Variants in NRG3 observed in about 807,000 individuals in gnomAD.
NRG3 encodes the protein pro-neuregulin-3, membrane-bound isoform.
NRG3 carries 31 observed loss-of-function variants against 66.9 expected under a neutral mutation model. The ratio of observed to expected loss-of-function variants is 0.46; its 90% CI spans 0.35 to 0.63. The LOEUF is 0.63. Among genes scored for constraint, NRG3 ranks in the 20% least tolerant of loss-of-function variants. The pLI is 0.00. For missense variants in NRG3, 910 were observed against 878.9 expected (o/e 1.04, Z -0.45); for synonymous variants, 393 against 359.4 (o/e 1.09, Z -1.06).
chr10:81,966,055 TTTTTTCATGC>T (rs1163937491), intron 1 of NRG3, among the ~76,000 whole-genome samples: 1 of 151,912 alleles, frequency 6.6e-6, no homozygotes, highest in Non-Finnish European at 1.5e-5. Context: ...ATTTAAGTAG[TTTTTTCATGC>T]TTTTTCTTGT....
intron 1 of NRG3, among the ~76,000 whole-genome samples, chr10:82,070,988 A>G (rs943589901): frequency 2.0e-5 from 3 of 152,188 alleles, no homozygotes; most frequent in African/African-American, 7.2e-5. Flanking sequence ...GTGCTACATA[A>G]TTATTTATAA....
At chr10:82,811,491 A>G (rs17746622) in intron 3 of NRG3, among the ~76,000 whole-genome samples, 17,470 of 152,186 alleles carry the variant, frequency 0.11, 1,095 homozygotes, top group South Asian at 0.21. Context: ...TCAGTGACCC[A>G]TTTGGCTTAG....
At chr10:82,563,452 C>A (rs1435014698) in intron 2 of NRG3, among the ~76,000 whole-genome samples, 2 of 151,938 alleles carry the variant, frequency 1.3e-5, no homozygotes, top group African/African-American at 4.8e-5. Context: ...TGCAATATGG[C>A]TATTTCTACC....
At chr10:82,131,928 T>A (rs1003841623) in intron 1 of NRG3, among the ~76,000 whole-genome samples, 11 of 152,142 alleles carry the variant, frequency 7.2e-5, no homozygotes, top group African/African-American at 2.7e-4. Context: ...AGTAATAGTT[T>A]TTTTGGTGCA....
At chr10:82,204,626 G>T (rs933574526) in intron 1 of NRG3, among the ~76,000 whole-genome samples, 1 of 152,152 alleles carries the variant, frequency 6.6e-6, no homozygotes, top group African/African-American at 2.4e-5. Flanking sequence ...TCAGGCCTAG[G>T]AGTAGTAATA....
chr10:82,754,579 A>G (rs2059003713), intron 3 of NRG3, among the ~76,000 whole-genome samples: 1 of 151,774 alleles, frequency 6.6e-6, no homozygotes, highest in Admixed American at 6.6e-5. Flanking sequence ...TGCTTCTGGA[A>G]ATGGCAACCC....
In NRG3 at chr10:82,644,343, T is replaced by A. The variant is rs189009075; in HGVS notation, c.954-94234T>A. Among the ~76,000 whole-genome samples, 496 of 152,246 alleles carry A rather than the reference T, an allele frequency of 3.3e-3. 3 individuals carry two copies. The highest frequency in any genetic ancestry group is 0.011 in the African/African-American group (465 of 41,558). ...CTAAAGTGTTTGCTTCCTAAATGAG[T>A]TGTGACTATAAAGAAACTTTCTAGC... On this transcript the variant is annotated intron_variant, in intron 2 of 8. Coordinates refer to ENST00000372141, the MANE Select transcript of NRG3 (RefSeq NM_001010848.4).
intron 1 of NRG3, among the ~76,000 whole-genome samples, chr10:81,922,281 C>G (rs1442024490): frequency 1.3e-5 from 2 of 152,052 alleles, no homozygotes; most frequent in Non-Finnish European, 2.9e-5. Flanking sequence ...TATTACATGA[C>G]TTTTTTGAAT....
At position 81,875,363 on chromosome 10, in the gene NRG3, C is replaced by T. The variant is rs1841524399; in HGVS notation, c.23C>T (p.Ala8Val). 2.0e-6 allele frequency: 2 copies of T among 991,518 alleles called. No individual in the cohort carries two copies. The highest frequency in any genetic ancestry group is 3.5e-5 in the African/African-American group (2 of 56,910). The allele number at this position is 991,518 out of a possible 1,614,324, so 61.4% of individuals were successfully genotyped here. Reference sequence around the variant, plus strand: ...AGGATGAGTGAAGGGGCGGCCGCTGCCTCGCCACCTGGTGCCGCTTCGGCA... The same window carrying T: ...AGGATGAGTGAAGGGGCGGCCGCTGTCTCGCCACCTGGTGCCGCTTCGGCA... Reference protein sequence around the residue: MSEGAAAASPPGAASAAA... With the variant: MSEGAAAVSPPGAASAAA... The change falls in exon 1 of 9, where the codon GCC (alanine) becomes GTC (valine). Residue 8 changes from alanine (A) to valine (V), a missense_variant. Transcript: ENST00000372141. This position sits in a 1 kb window ranked among gnomAD's most constrained non-coding sequence, Gnocchi z 5.3.
intron 1 of NRG3, among the ~76,000 whole-genome samples, chr10:82,235,826 T>C (rs1220879004): frequency 1.3e-5 from 2 of 152,234 alleles, no homozygotes; most frequent in African/African-American, 4.8e-5. Context: ...GTCCAGCGTG[T>C]GTCACTTGGT....
At chr10:82,896,426 T>A (rs1843668738) in intron 4 of NRG3, among the ~76,000 whole-genome samples, 2 of 152,168 alleles carry the variant, frequency 1.3e-5, no homozygotes, top group Admixed American at 1.3e-4. Flanking sequence ...CTGTAGAATC[T>A]TTCCTGTGCC....
chr10:82,666,048 G>C (rs1371397570), intron 2 of NRG3, among the ~76,000 whole-genome samples: 1 of 152,136 alleles, frequency 6.6e-6, no homozygotes, highest in Non-Finnish European at 1.5e-5. Flanking sequence ...TTTTAGTAGA[G>C]ACAGGGTTTC....
At chr10:82,170,097 A>G (rs963979371) in intron 1 of NRG3, among the ~76,000 whole-genome samples, 1 of 151,932 alleles carries the variant, frequency 6.6e-6, no homozygotes, top group African/African-American at 2.4e-5. Context: ...GCATTAACAA[A>G]TGTTAGTTTC....
chr10:82,646,938 A>G (rs1472998257), intron 2 of NRG3, among the ~76,000 whole-genome samples: 8 of 150,774 alleles, frequency 5.3e-5, no homozygotes, highest in Non-Finnish European at 1.2e-4. Flanking sequence ...TAACTTTTTA[A>G]ACTTTTGCAT....
intron 1 of NRG3, among the ~76,000 whole-genome samples, chr10:81,899,132 T>C (rs1843789181): frequency 6.6e-6 from 1 of 152,230 alleles, no homozygotes; most frequent in Non-Finnish European, 1.5e-5. Context: ...AGTTTAGTTA[T>C]GCATTTTTAA....
At chr10:82,612,749 A>AT (rs1449213573) in intron 2 of NRG3, among the ~76,000 whole-genome samples, 3 of 152,106 alleles carry the variant, frequency 2.0e-5, no homozygotes, top group Non-Finnish European at 4.4e-5. Flanking sequence ...ACACTGTCAT[A>AT]TTTTTGTAAT....
intron 2 of NRG3, among the ~76,000 whole-genome samples, chr10:82,447,578 C>T (rs1013123986): frequency 6.6e-5 from 10 of 152,214 alleles, no homozygotes; most frequent in Admixed American, 6.5e-4. Flanking sequence ...TTCCTACCTA[C>T]TCCTTCCACC....
At chr10:82,630,437 A>G (rs929727045) in intron 2 of NRG3, among the ~76,000 whole-genome samples, 2 of 151,454 alleles carry the variant, frequency 1.3e-5, no homozygotes, top group Middle Eastern at 3.2e-3. Context: ...AAAGAAGATA[A>G]GTCAGTTCTA....
intron 1 of NRG3, among the ~76,000 whole-genome samples, chr10:82,283,443 C>A (rs931046025): frequency 2.0e-5 from 3 of 152,130 alleles, no homozygotes; most frequent in African/African-American, 7.2e-5. Context: ...TAAAACCCAG[C>A]AATGTAAGTT....
Sources: allele counts gnomAD v4.1 joint callset (sites outside exome capture counted in the v4.1 genomes callset), GRCh38; gene constraint gnomAD v4.1.1; non-coding constraint Gnocchi (gnomAD v3.1); transcripts MANE v1.5; gene names NCBI Gene and HGNC (gene_info 2026-07-23, HGNC 2026-07-21).